The following NRXN1 variants were observed in gnomAD, a reference collection of about 807,000 sequenced individuals.
NRXN1 encodes the protein neurexin-1.
In NRXN1, 39 loss-of-function variants were observed where a neutral mutation model predicts 150.9. The observed-to-expected ratio is 0.26, with a 90% CI of 0.20 to 0.34. The LOEUF is 0.34. NRXN1 is among the 10% of genes least tolerant of loss of function. The pLI is 1.00. For missense variants in NRXN1, 1,815 were observed against 1,949.9 expected (o/e 0.93, Z 1.30); for synonymous variants, 924 against 757.0 (o/e 1.22, Z -3.62).
intron 21 of NRXN1, among the ~76,000 whole-genome samples, chr2:49,991,995 T>G (rs750341282): frequency 7.2e-5 from 11 of 152,202 alleles, no homozygotes; most frequent in Non-Finnish European, 1.5e-4. Flanking sequence ...GCAAAGATAG[T>G]CTTTTCAACA....
intron 19 of NRXN1, among the ~76,000 whole-genome samples, chr2:50,072,254 T>C (rs1237377221): frequency 6.6e-6 from 1 of 152,220 alleles, no homozygotes; most frequent in Non-Finnish European, 1.5e-5. Context: ...AAAAATTTAC[T>C]GTCAGTGTTA....
chr2:50,419,634 TAAAG>T (rs1035435729), intron 17 of NRXN1, among the ~76,000 whole-genome samples: 1 of 151,936 alleles, frequency 6.6e-6, no homozygotes, highest in Admixed American at 6.6e-5. Context: ...GAAACGGAGA[TAAAG>T]AAAGTAGGCA....
intron 18 of NRXN1, among the ~76,000 whole-genome samples, chr2:50,179,345 T>C (rs760959950): frequency 6.6e-6 from 1 of 152,156 alleles, no homozygotes; most frequent in African/African-American, 2.4e-5. Context: ...GTTGATCAGC[T>C]CTGTGCATAA....
At chr2:50,178,026 T>C (rs901561448) in intron 18 of NRXN1, among the ~76,000 whole-genome samples, 6 of 152,094 alleles carry the variant, frequency 3.9e-5, no homozygotes, top group African/African-American at 1.4e-4. Flanking sequence ...GTTTCTCATA[T>C]GTAAAATTTG....
chr2:50,844,884 T>C (rs1423311475), intron 5 of NRXN1, among the ~76,000 whole-genome samples: 3 of 151,966 alleles, frequency 2.0e-5, no homozygotes, highest in African/African-American at 7.3e-5. Context: ...AGCAGAGGCT[T>C]ATTCTGTTGT....
intron 17 of NRXN1, among the ~76,000 whole-genome samples, chr2:50,379,434 G>A (rs4971669): frequency 0.54 from 82,820 of 152,036 alleles, 24,188 homozygotes; most frequent in East Asian, 0.92. Flanking sequence ...CTCCACAGTC[G>A]AACATTTTCT....
At chr2:50,076,026 T>TAGG (rs1697041462) in intron 19 of NRXN1, among the ~76,000 whole-genome samples, 1 of 152,260 alleles carries the variant, frequency 6.6e-6, no homozygotes, top group African/African-American at 2.4e-5. Context: ...GCCCACATTT[T>TAGG]ACTCTTCTGT....
chr2:50,761,511 A>C (rs2105386233), intron 5 of NRXN1, among the ~76,000 whole-genome samples: 1 of 152,058 alleles, frequency 6.6e-6, no homozygotes, highest in Admixed American at 6.6e-5. Flanking sequence ...CCTCCCAGCC[A>C]TGTGGAATTG....
chr2:50,271,618 T>C (rs143807116), intron 17 of NRXN1, among the ~76,000 whole-genome samples: 4,014 of 152,312 alleles, frequency 0.026, 99 homozygotes, highest in Non-Finnish European at 0.036. Context: ...TATAGGTCAC[T>C]GTCTTGCAAA....
chr2:50,053,614 T>C (rs942487876), intron 20 of NRXN1, 24 bp from the exon 21 acceptor site: 1 of 1,610,864 alleles, frequency 6.2e-7, no homozygotes. Context: ...ATTACATACA[T>C]GCAAAAATGT....
intron 19 of NRXN1, among the ~76,000 whole-genome samples, chr2:50,059,460 A>C (rs1477412474): frequency 6.6e-6 from 1 of 152,226 alleles, no homozygotes; most frequent in African/African-American, 2.4e-5. Flanking sequence ...AAAGTTCAGA[A>C]AATTTTCAGC....
At chr2:51,006,197 A>T (rs996581770) in intron 2 of NRXN1, among the ~76,000 whole-genome samples, 1 of 151,856 alleles carries the variant, frequency 6.6e-6, no homozygotes, top group Non-Finnish European at 1.5e-5. Flanking sequence ...TTTCCATTTA[A>T]GACCTACCTA....
At chr2:50,452,813 A>G (rs941951326) in intron 17 of NRXN1, among the ~76,000 whole-genome samples, 2 of 152,200 alleles carry the variant, frequency 1.3e-5, no homozygotes, top group Non-Finnish European at 2.9e-5. Flanking sequence ...CTCAATCTAT[A>G]TAAATTATCA....
At chr2:50,657,934 T>C (rs971121783) in intron 5 of NRXN1, among the ~76,000 whole-genome samples, 4 of 151,964 alleles carry the variant, frequency 2.6e-5, no homozygotes, top group Non-Finnish European at 5.9e-5. Context: ...ATAGTCACAA[T>C]GAACTGCAGC....
At chr2:50,454,441 T>C (rs1017385222) in intron 17 of NRXN1, among the ~76,000 whole-genome samples, 6 of 152,284 alleles carry the variant, frequency 3.9e-5, no homozygotes, top group Non-Finnish European at 8.8e-5. Context: ...TCTCCCATGA[T>C]ATGTATACGT....
chr2:50,475,578 G>C (rs2104737149), intron 15 of NRXN1, among the ~76,000 whole-genome samples: 1 of 152,136 alleles, frequency 6.6e-6, no homozygotes, highest in Non-Finnish European at 1.5e-5. Flanking sequence ...AGTTACTAAA[G>C]AGCAGAAAAT....
intron 18 of NRXN1, among the ~76,000 whole-genome samples, chr2:50,109,453 C>A (rs966262269): frequency 2.6e-5 from 4 of 151,982 alleles, no homozygotes; most frequent in Middle Eastern, 3.2e-3. Context: ...GCCAAAAAAA[C>A]CCCACAGAAA....
At chr2:50,540,723 C>T (rs2093369897) in intron 9 of NRXN1, among the ~76,000 whole-genome samples, 1 of 151,816 alleles carries the variant, frequency 6.6e-6, no homozygotes, top group Admixed American at 6.6e-5. Context: ...AGTGCAGTGG[C>T]AGGATCTTGG....
intron 21 of NRXN1, chr2:50,019,139 G>A (rs1184795284): frequency 2.1e-6 from 1 of 468,402 alleles, no homozygotes; most frequent in Non-Finnish European, 4.4e-6. Flanking sequence ...CTAGGGTATA[G>A]GGTTCGATTA....
Sources: gnomAD v4.1 joint callset for allele counts (sites outside exome capture counted in the v4.1 genomes callset) on GRCh38, gnomAD v4.1.1 for gene constraint, MANE v1.5 for transcripts, NCBI Gene and HGNC (gene_info 2026-07-23, HGNC 2026-07-21) for gene names.